The following NOMO3 variants were observed in gnomAD, a reference collection of about 807,000 sequenced individuals.
The protein encoded by NOMO3 is BOS complex subunit NOMO3.
A neutral mutation model predicts 69.9 loss-of-function variants in NOMO3; 15 were observed. The observed-to-expected ratio is 0.21, with a 90% CI of 0.14 to 0.33. The LOEUF (loss-of-function observed/expected upper bound fraction) is 0.33, where lower values mean the gene tolerates loss of function less well. Ranked by LOEUF, NOMO3 falls within the 10% of genes least tolerant of loss-of-function variation. The pLI, the probability that NOMO3 is intolerant of heterozygous loss-of-function variation, is 1.00. For synonymous variants in NOMO3, 89 were observed against 301.9 expected (o/e 0.29, Z 7.31); for missense variants, 218 against 761.0 (o/e 0.29, Z 8.39).
chr16:16,237,416 T>A (rs2049335667), intron 2 of NOMO3, among the ~76,000 whole-genome samples: 1 of 144,710 alleles, frequency 6.9e-6, no homozygotes, highest in Admixed American at 6.7e-5. Context: ...AATACATGAA[T>A]TCATGAACTT....
chr16:16,239,519 C>T (rs537453825), intron 2 of NOMO3, among the ~76,000 whole-genome samples: 2 of 143,334 alleles, frequency 1.4e-5, no homozygotes, highest in African/African-American at 5.6e-5. Context: ...CAACTGTAGG[C>T]ATGTGAGGGC....
intron 15 of NOMO3, among the ~76,000 whole-genome samples, chr16:16,266,172 C>T (rs538650544): frequency 0.04 from 5,491 of 137,950 alleles, 560 homozygotes; most frequent in African/African-American, 0.076. Context: ...CAGATGTCAT[C>T]GTCAGGTCTT....
Position 16,267,069 on chromosome 16 carries a change from G to A in NOMO3, c.1832G>A (p.Arg611His), listed in dbSNP as rs201312230. Residue 611 changes from arginine (R) to histidine (H), a missense_variant, in exon 16 of 31, where the codon CGT (arginine) becomes CAT (histidine). Arg to His is a conservative substitution (Grantham distance 29, BLOSUM62 0). Coordinates refer to ENST00000399336, the MANE Select transcript of NOMO3 (RefSeq NM_001004067.4). Reference sequence around the variant, plus strand: ...GAATTTTATCAGGATGGAAATGGGCGTGAGAATGTGGGGATTTATAACCTC... The same window carrying A: ...GAATTTTATCAGGATGGAAATGGGCATGAGAATGTGGGGATTTATAACCTC... ...TLEFYQDGNG[R>H]ENVGIYNLSK... 29 of 1,108,294 alleles carry A rather than the reference G, an allele frequency of 2.6e-5. 5 individuals carry two copies. In the East Asian group the frequency reaches 4.9e-4, roughly 19 times the overall value. The allele number at this position is 1,108,294 out of a possible 1,614,324, so 68.7% of individuals were successfully genotyped here. A position where few individuals can be genotyped will look rare whatever the true frequency, so the allele number is the denominator to read the frequency against.
At chr16:16,238,294 G>A (rs1469036521) in intron 2 of NOMO3, among the ~76,000 whole-genome samples, 6 of 135,134 alleles carry the variant, frequency 4.4e-5, no homozygotes, top group South Asian at 4.9e-4. Context: ...GTGCAGTGGC[G>A]CGATCTCGGC....
intron 1 of NOMO3, among the ~76,000 whole-genome samples, chr16:16,233,522 T>TA (rs1478537961): frequency 4.5e-3 from 512 of 114,518 alleles, no homozygotes; most frequent in Non-Finnish European, 6.7e-3. Flanking sequence ...TTTTTTTTTT[T>TA]AATTAAGTTG....
At position 16,265,059 on chromosome 16, in the gene NOMO3, G is replaced by A; in HGVS notation, c.1686G>A (p.Glu562=). ...CTTTTGCAGTAAGCATCATGCATGA[G>A]GATTGGTGCTGGAAGAACAAGAGCC... ...PGKYKISIMH[E]DWCWKNKSLE... is the part of the protein sequence containing the mutation. The change falls in exon 15 of 31, where the codon GAG becomes GAA. Residue 562 remains glutamate, a synonymous_variant. Transcript: ENST00000399336. The A allele has an allele frequency of 6.4e-7, 1 of 1,565,698 alleles. No individual in the cohort carries two copies. Among genetic ancestry groups the A allele is most frequent in the Non-Finnish European group, 8.6e-7 (1 of 1,165,764 alleles).
rs1447167682 is a variant in NOMO3, at chr16:16,258,784, G to T, written c.1220+2626G>T. On this transcript the variant is annotated intron_variant, in intron 11 of 30. Coordinates refer to ENST00000399336, the MANE Select transcript of NOMO3 (RefSeq NM_001004067.4). ...GGAGGCTGAGGCAGGAGAATCGCTT[G>T]AACCCGAGAGGCAGGGGTTGCAGTG... Among the ~76,000 whole-genome samples, 48 of 142,358 alleles carry T rather than the reference G, an allele frequency of 3.4e-4. 3 individuals are homozygous for T. The highest frequency in any genetic ancestry group is 5.6e-4 in the Non-Finnish European group (38 of 67,570). 93.4% of individuals were successfully genotyped at this position (142,358 alleles called of 152,430 possible). A position where few individuals can be genotyped will look rare whatever the true frequency, so the allele number is the denominator to read the frequency against.
rs575709010 is a variant in NOMO3, at chr16:16,263,221, A to G, written c.1537+6A>G. ...TGGGAAAGTCTCTTGTTTGGGTAAG[A>G]TATCACTGGAAAGTAAGAACACATA... On this transcript the variant is annotated splice_donor_region_variant and intron_variant, in intron 13 of 30. Coordinates refer to ENST00000399336, the MANE Select transcript of NOMO3 (RefSeq NM_001004067.4). 1.2e-5 allele frequency: 19 copies of G among 1,593,808 alleles called. 1 individual carries two copies. The Admixed American group carries it at 3.0e-4, about 26-fold the overall frequency.
rs2141257690 is a variant in NOMO3 at position 16,261,034 on chromosome 16, G to A, written c.1221-468G>A. The A allele has an allele frequency of 1.2e-5, 2 of 163,430 alleles. 1 individual carries two copies. The highest frequency in any genetic ancestry group is 2.7e-4 in the South Asian group (2 of 7,288). 10.1% of individuals were successfully genotyped at this position (163,430 alleles called of 1,614,324 possible). ...TGTATTATATATAATCACAAGCAAG[G>A]AAGACGTCTTTGATAATCCTGACTT... is the stretch of plus-strand genomic sequence containing the variant. On this transcript the variant is annotated intron_variant, in intron 11 of 30. Coordinates refer to ENST00000399336, the MANE Select transcript of NOMO3 (RefSeq NM_001004067.4).
intron 9 of NOMO3, among the ~76,000 whole-genome samples, chr16:16,254,834 C>G (rs755308552): frequency 6.9e-6 from 1 of 144,782 alleles, no homozygotes; most frequent in African/African-American, 2.8e-5. Context: ...TGCTCACAGG[C>G]GAGTGGGGCA....
Position 16,255,246 on chromosome 16 carries a change from G to A in NOMO3, c.964-474G>A, listed in dbSNP as rs987943973. Among the ~76,000 whole-genome samples, 75 of 140,472 alleles carry A rather than the reference G, an allele frequency of 5.3e-4. 8 individuals carry two copies. Among genetic ancestry groups the A allele is most frequent in the African/African-American group, 1.5e-3 (48 of 32,914 alleles). The allele number at this position is 140,472 out of a possible 152,430, so 92.2% of individuals were successfully genotyped here. ...TTTCATAAGGACCTGTGTTCAGGTC[G>A]TGGTGGAAAGACAGGAGGGGACACG... is the stretch of plus-strand genomic sequence containing the variant. On this transcript the variant is annotated intron_variant, in intron 9 of 30. Coordinates refer to ENST00000399336, the MANE Select transcript of NOMO3 (RefSeq NM_001004067.4).
chr16:16,242,916 T>A (rs1490140744), intron 3 of NOMO3, among the ~76,000 whole-genome samples: 1 of 142,808 alleles, frequency 7.0e-6, no homozygotes, highest in Non-Finnish European at 1.5e-5. Context: ...TATTTTATAC[T>A]CTAAACACGA....
At chr16:16,256,591 G>T (rs1338219121) in intron 11 of NOMO3, among the ~76,000 whole-genome samples, 1 of 18,412 alleles carries the variant, frequency 5.4e-5, no homozygotes, top group Admixed American at 5.2e-4. Flanking sequence ...AGAAAGATTA[G>T]TTCTAAATCT....
chr16:16,243,913 C>T (rs925959360), intron 4 of NOMO3, among the ~76,000 whole-genome samples: 3 of 144,630 alleles, frequency 2.1e-5, no homozygotes, highest in Admixed American at 1.3e-4. Context: ...CTTGCTGTCC[C>T]TGTGGGTGAA....
In NOMO3 at chr16:16,261,592, C is replaced by G. The variant is rs770450328; in HGVS notation, c.1311C>G (p.Asp437Glu). ...ACAAAGTTGTCCTGTCATCTCAAGA[C>G]AAGGACAAGTCTTTGGTCACCGTGG... ...NKYKVVLSSQ[D>E]KDKSLVTVET... The change falls in exon 12 of 31, where the codon GAC becomes GAG. Residue 437 changes from aspartate to glutamate, a missense_variant. Asp to Glu is a conservative substitution (Grantham distance 45). Coordinates refer to ENST00000399336, the MANE Select transcript of NOMO3 (RefSeq NM_001004067.4). 3.8e-6 allele frequency: 6 copies of G among 1,584,508 alleles called. 1 individual carries two copies. Among genetic ancestry groups the G allele is most frequent in the Admixed American group, 1.7e-5 (1 of 57,690 alleles).
intron 6 of NOMO3, among the ~76,000 whole-genome samples, chr16:16,249,257 G>T (rs2049442660): frequency 6.9e-6 from 1 of 145,718 alleles, no homozygotes; most frequent in African/African-American, 2.7e-5. Flanking sequence ...GGTTTTGGGG[G>T]TTTTTCTCTT....
intron 11 of NOMO3, among the ~76,000 whole-genome samples, chr16:16,260,491 G>T (rs1359603589): frequency 7.0e-6 from 1 of 142,396 alleles, no homozygotes; most frequent in African/African-American, 2.9e-5. Flanking sequence ...TGAAGAAATG[G>T]CTGTGTTTTT....
At position 16,269,694 on chromosome 16, in the gene NOMO3, AC is replaced by A. The variant is rs555934513; in HGVS notation, c.1895-425del. On this transcript the variant is annotated intron_variant, in intron 16 of 30. Transcript: ENST00000399336. ...TTTTCTGGGGCTTCCCTTACTCCTT[AC>A]CTCCTTTTTAGGAATATTTATAGGA... Among the ~76,000 whole-genome samples, 177 of 124,980 alleles carry A rather than the reference AC, an allele frequency of 1.4e-3. 26 individuals are homozygous for A. The highest frequency in any genetic ancestry group is 6.4e-3 in the African/African-American group (167 of 26,028). 82.0% of individuals were successfully genotyped at this position (124,980 alleles called of 152,430 possible). A position where few individuals can be genotyped will look rare whatever the true frequency, so the allele number is the denominator to read the frequency against.
chr16:16,233,522 T>TTTA (rs1555524864), intron 1 of NOMO3, among the ~76,000 whole-genome samples: 9 of 114,908 alleles, frequency 7.8e-5, no homozygotes, highest in South Asian at 2.8e-4. Flanking sequence ...TTTTTTTTTT[T>TTTA]AATTAAGTTG....
Sources: allele counts gnomAD v4.1 joint callset (sites outside exome capture counted in the v4.1 genomes callset), GRCh38; gene constraint gnomAD v4.1.1; transcripts MANE v1.5; gene names NCBI Gene and HGNC (gene_info 2026-07-23, HGNC 2026-07-21).